KAZN: variants seen among roughly 807,000 people sequenced by gnomAD.
KAZN encodes kazrin.
KAZN carries 40 observed loss-of-function variants against 87.4 expected under a neutral mutation model. That is an observed-to-expected ratio of 0.46 (90% CI 0.36 to 0.60). The LOEUF is 0.60. Among genes scored for constraint, KAZN ranks in the 20% least tolerant of loss-of-function variants. The pLI is 0.00. For synonymous variants in KAZN, 466 were observed against 458.3 expected, an observed-to-expected ratio of 1.02 and a Z score of -0.22; for missense variants, 898 against 1,073.9, an observed-to-expected ratio of 0.84 and a Z score of 2.29.
intron 6 of KAZN, chr1:15,062,385 T>A (rs998637763): frequency 6.6e-6 from 1 of 152,664 alleles, no homozygotes; most frequent in Non-Finnish European, 1.5e-5. Context: ...GACTAAAGAC[T>A]AAACTACCAT....
At chr1:14,367,426 C>G (rs1198143798) in intron 2 of KAZN, among the ~76,000 whole-genome samples, 1 of 152,098 alleles carries the variant, frequency 6.6e-6, no homozygotes, top group Admixed American at 6.5e-5. Flanking sequence ...TTCTCCTCTT[C>G]TCTCTGATGG....
intron 1 of KAZN, among the ~76,000 whole-genome samples, chr1:14,008,349 T>C (rs947092619): frequency 6.6e-6 from 1 of 152,182 alleles, no homozygotes; most frequent in African/African-American, 2.4e-5. Context: ...CTAAAATGTT[T>C]TATGAAAAGG....
At chr1:14,478,224 A>AGAAGGAAGGAAGGAAGGAAGGAAAAGAAG (rs1668863856) in intron 2 of KAZN, among the ~76,000 whole-genome samples, 1 of 145,378 alleles carries the variant, frequency 6.9e-6, no homozygotes, top group South Asian at 2.2e-4. Flanking sequence ...ATGGATGGAT[A>AGAAGGAAGGAAGGAAGGAAGGAAAAGAAG]GAAGGAAGGA....
intron 1 of KAZN, among the ~76,000 whole-genome samples, chr1:13,980,128 G>A (rs1412335308): frequency 6.6e-6 from 1 of 151,970 alleles, no homozygotes; most frequent in Non-Finnish European, 1.5e-5. Context: ...TAGGTTAACT[G>A]CTAAGACAAT....
chr1:14,823,917 C>A (rs988197457), intron 1 of KAZN, among the ~76,000 whole-genome samples: 12 of 152,130 alleles, frequency 7.9e-5, no homozygotes, highest in African/African-American at 2.4e-4. Flanking sequence ...AGTTCAAGAC[C>A]AGCCTGGCCA....
At chr1:15,042,856 A>G (rs931805855) in intron 3 of KAZN, among the ~76,000 whole-genome samples, 6 of 152,060 alleles carry the variant, frequency 3.9e-5, no homozygotes, top group African/African-American at 1.2e-4. Context: ...GAGACCTTGG[A>G]TTTGCTTTTG....
chr1:14,143,873 A>C (rs1645291860), intron 1 of KAZN, among the ~76,000 whole-genome samples: 1 of 152,028 alleles, frequency 6.6e-6, no homozygotes, highest in Non-Finnish European at 1.5e-5. Flanking sequence ...CTGTGCCACC[A>C]TGCCTGGCTA....
At chr1:15,050,515 G>C (rs920792084) in intron 4 of KAZN, among the ~76,000 whole-genome samples, 1 of 152,190 alleles carries the variant, frequency 6.6e-6, no homozygotes, top group Admixed American at 6.5e-5. Context: ...ATGAGCGGGC[G>C]GAGAAGCAGG....
chr1:15,066,243 T>C lies in KAZN; in HGVS notation c.1222+490T>C. ...TGTGTATTTGTAAATAACAAAACTA[T>C]TGTGCACTCTGTGCTTGTAAATGTC... On this transcript the variant is annotated intron_variant, in intron 8 of 14. Transcript: ENST00000376030. This position sits in a 1 kb window ranked among gnomAD's most constrained non-coding sequence, Gnocchi z 4.3. 1.0e-6 allele frequency: 1 copy of C among 987,466 alleles called. No individual in the cohort carries two copies. The highest frequency in any genetic ancestry group is 1.2e-6 in the Non-Finnish European group (1 of 831,364). 61.2% of individuals were successfully genotyped at this position (987,466 alleles called of 1,614,324 possible). A position where few individuals can be genotyped will look rare whatever the true frequency, so the allele number is the denominator to read the frequency against.
At chr1:14,091,242 C>T (rs1643985918) in intron 1 of KAZN, among the ~76,000 whole-genome samples, 1 of 152,146 alleles carries the variant, frequency 6.6e-6, no homozygotes, top group Admixed American at 6.5e-5. Flanking sequence ...TCTCTTTTCT[C>T]CGCTCAGTGA....
At chr1:14,571,715 G>A (rs1437988456) in intron 2 of KAZN, among the ~76,000 whole-genome samples, 1 of 152,094 alleles carries the variant, frequency 6.6e-6, no homozygotes, top group Non-Finnish European at 1.5e-5. Context: ...GTGAGACTCC[G>A]GGCCAGGGTG....
At chr1:14,521,537 G>C (rs1671590744) in intron 2 of KAZN, among the ~76,000 whole-genome samples, 1 of 152,186 alleles carries the variant, frequency 6.6e-6, no homozygotes, top group Admixed American at 6.5e-5. Context: ...GCTTTTTGAA[G>C]CTCTGGCCTA....
At chr1:14,363,533 G>A (rs781439870) in intron 2 of KAZN, among the ~76,000 whole-genome samples, 1 of 152,170 alleles carries the variant, frequency 6.6e-6, no homozygotes, top group Non-Finnish European at 1.5e-5. Context: ...CTGGATTTCT[G>A]AAACAGGTTT....
At chr1:14,361,357 T>TA (rs1659496417) in intron 2 of KAZN, among the ~76,000 whole-genome samples, 1 of 152,216 alleles carries the variant, frequency 6.6e-6, no homozygotes, top group African/African-American at 2.4e-5. Context: ...CAGTGGATCT[T>TA]AGCTTGCTGG....
At chr1:13,893,533 C>CG (rs1187900091) in exon 1 of KAZN, 2 of 1,391,454 alleles carry the variant, frequency 1.4e-6, no homozygotes, top group Non-Finnish European at 1.9e-6. Context: ...ACTTTGGGGG[C>CG]GGGGACATTT....
chr1:13,962,026 A>G (rs759043207), intron 1 of KAZN, among the ~76,000 whole-genome samples: 4 of 152,126 alleles, frequency 2.6e-5, no homozygotes, highest in Non-Finnish European at 5.9e-5. Context: ...TCACCTCAGC[A>G]TAGATCCTAG....
rs6657556 is a variant in KAZN at position 14,978,102 on chromosome 1, G to A, written c.418+17227G>A. On this transcript the variant is annotated intron_variant, in intron 2 of 14. Transcript: ENST00000376030. ...GGCAGAGTTTCTGGTCCAGGCGAAC[G>A]CTCCCTCCCCGTGGCCTTCCTCACG... 7.1e-3 allele frequency among the ~76,000 whole-genome samples: 1,084 copies of A among 152,170 alleles called. 15 individuals carry two copies. The highest frequency in any genetic ancestry group is 0.025 in the African/African-American group (1,039 of 41,514).
chr1:14,551,162 C>G (rs1673493395), intron 2 of KAZN, among the ~76,000 whole-genome samples: 1 of 152,182 alleles, frequency 6.6e-6, no homozygotes, highest in Admixed American at 6.5e-5. Context: ...TGGCCCTTGG[C>G]AGTCAACTTC....
chr1:14,281,107 T>C (rs1252775534), intron 2 of KAZN, among the ~76,000 whole-genome samples: 1 of 152,224 alleles, frequency 6.6e-6, no homozygotes, highest in Non-Finnish European at 1.5e-5. Context: ...GATTTCTAAA[T>C]GTTCTTAACT....
Sources: gnomAD v4.1 joint callset for allele counts (sites outside exome capture counted in the v4.1 genomes callset) on GRCh38, gnomAD v4.1.1 for gene constraint, Gnocchi (gnomAD v3.1) non-coding constraint, MANE v1.5 for transcripts, NCBI Gene and HGNC (gene_info 2026-07-23, HGNC 2026-07-21) for gene names.